ERN1: variants seen among roughly 807,000 people sequenced by gnomAD.
ERN1 encodes endoplasmic reticulum to nucleus signaling 1.
A neutral mutation model predicts 113.1 loss-of-function variants in ERN1; 39 were observed. That is an observed-to-expected ratio of 0.34 (90% confidence interval 0.27 to 0.45). ERN1 has a LOEUF of 0.45. ERN1 is among the 20% of genes least tolerant of loss of function. The probability of loss-of-function intolerance (pLI) is 1.00; values close to 1 mark genes in which losing one functional copy is unlikely to be tolerated. For missense variants in ERN1, 976 were observed against 1,274.8 expected (o/e 0.77, Z 3.57); for synonymous variants, 507 against 515.9 (o/e 0.98, Z 0.23).
At chr17:64,046,377 G>C (rs1912514672) in intron 19 of ERN1, among the ~76,000 whole-genome samples, 1 of 152,192 alleles carries the variant, frequency 6.6e-6, no homozygotes, top group African/African-American at 2.4e-5. Flanking sequence ...ATATGACCTG[G>C]AGATACTAAG....
chr17:64,091,124 A>G (rs1914076083), intron 2 of ERN1, among the ~76,000 whole-genome samples: 1 of 152,230 alleles, frequency 6.6e-6, no homozygotes, highest in African/African-American at 2.4e-5. Flanking sequence ...GGTTAGATCT[A>G]TTAACAAAAC....
chr17:64,053,122 C>T, intron 16 of ERN1, 143 bp from the exon 17 acceptor site: 1 of 925,484 alleles, frequency 1.1e-6, no homozygotes, highest in Non-Finnish European at 1.6e-6. Context: ...CGGATTCCTC[C>T]TCAAATTCTT....
chr17:64,118,324 T>C (rs576525166), intron 1 of ERN1, among the ~76,000 whole-genome samples: 1 of 152,334 alleles, frequency 6.6e-6, no homozygotes, highest in Non-Finnish European at 1.5e-5. Flanking sequence ...TTTCATCATA[T>C]GGGGCAAACA....
Position 64,060,522 on chromosome 17 carries a change from T to TG in ERN1, c.1152dup (p.Lys385GlnfsTer10). Reference sequence around the variant, plus strand: ...GCAGGAATCACATTTTCCCGATGTTTGGGTAGATTGTTGGGAAATCTCTCC... The same window carrying TG: ...GCAGGAATCACATTTTCCCGATGTTTGGGGTAGATTGTTGGGAAATCTCTCC... On this transcript the variant is annotated frameshift_variant, in exon 11 of 22. Transcript: ENST00000433197. LOFTEE classifies it high-confidence loss of function. 11 of 1,614,014 alleles carry TG rather than the reference T, an allele frequency of 6.8e-6. No individual in the cohort carries two copies. Among genetic ancestry groups the TG allele is most frequent in the Non-Finnish European group, 9.3e-6 (11 of 1,179,870 alleles).
chr17:64,052,813 T>C lies in ERN1; in HGVS notation c.2220A>G (p.Pro740=), dbSNP rs1215206814. The change falls in exon 17 of 22, where the codon CCA becomes CCG. Residue 740 remains proline, a synonymous_variant. Coordinates refer to ENST00000433197, the MANE Select transcript of ERN1 (RefSeq NM_001433.5). ...CCTTACAGTCTTCGCTCAGCATCTC[T>C]GGAGCGATCCAGCCTTCTGTGCCAG... ...GVPGTEGWIA[P]EMLSEDCKEN... 2 of 1,614,026 alleles carry C rather than the reference T, an allele frequency of 1.2e-6. No individual in the cohort carries two copies. The highest frequency in any genetic ancestry group is 1.7e-5 in the Admixed American group (1 of 60,026).
intron 5 of ERN1, among the ~76,000 whole-genome samples, chr17:64,072,938 C>A (rs143164276): frequency 3.3e-5 from 5 of 151,856 alleles, no homozygotes; most frequent in African/African-American, 1.2e-4. Flanking sequence ...TTGGAAAAGT[C>A]TCCTGTTTTG....
At chr17:64,097,368 A>G (rs1336098627) in intron 2 of ERN1, among the ~76,000 whole-genome samples, 2 of 152,236 alleles carry the variant, frequency 1.3e-5, no homozygotes, top group African/African-American at 4.8e-5. Flanking sequence ...TCGTGAAAGT[A>G]ATGAGTCACA....
chr17:64,082,359 G>C (rs920733557), intron 2 of ERN1, among the ~76,000 whole-genome samples: 3 of 152,092 alleles, frequency 2.0e-5, no homozygotes, highest in East Asian at 1.9e-4. Flanking sequence ...CAAGAGACAG[G>C]AAATAAAGGC....
chr17:64,059,830 C>A (rs906637361), intron 11 of ERN1, among the ~76,000 whole-genome samples: 2 of 147,924 alleles, frequency 1.4e-5, no homozygotes, highest in African/African-American at 5.0e-5. Flanking sequence ...AACTTCAGAT[C>A]TCATCACTTC....
Position 64,045,408 on chromosome 17 carries a change from G to A in ERN1, c.2604C>T (p.Ala868=), listed in dbSNP as rs201354208. Residue 868 remains alanine (A), a synonymous_variant, in exon 20 of 22, where the codon GCC becomes GCT. Coordinates refer to ENST00000433197, the MANE Select transcript of ERN1 (RefSeq NM_001433.5). ...IVKQLERGGR[A]VVKMDWRENI... is the part of the protein sequence containing the mutation. ...TCTCCCGCCAGTCCATCTTCACCAC[G>A]GCTCTCCCGCCTCTCTCTAACTGCT... 238 of 1,613,788 alleles carry A rather than the reference G, an allele frequency of 1.5e-4. No homozygotes were observed. In the African/African-American group the frequency reaches 2.0e-3, roughly 13 times the overall value.
rs931663180 is a variant in ERN1 at position 64,049,909 on chromosome 17, T to A, written c.2254-707A>T. 6.6e-5 allele frequency among the ~76,000 whole-genome samples: 10 copies of A among 152,164 alleles called. No homozygotes were observed. The highest frequency in any genetic ancestry group is 2.4e-4 in the African/African-American group (10 of 41,432). ...TGAGCACAGCTTGGGTCCCTGTTAG[T>A]AGGCCCTGCCTCTGAGATTCTCCAC... On this transcript the variant is annotated intron_variant, in intron 17 of 21. Transcript: ENST00000433197. This position sits in a 1 kb window ranked among gnomAD's most constrained non-coding sequence, Gnocchi z 4.7.
intron 2 of ERN1, among the ~76,000 whole-genome samples, chr17:64,092,659 A>G (rs1270555711): frequency 6.6e-6 from 1 of 152,190 alleles, no homozygotes; most frequent in Non-Finnish European, 1.5e-5. Context: ...ATTGGAAAGG[A>G]GACAGAAAAG....
In ERN1 at chr17:64,090,498, T is replaced by C. The variant is rs1303947447; in HGVS notation, c.175+7623A>G. 2.6e-5 allele frequency among the ~76,000 whole-genome samples: 4 copies of C among 152,312 alleles called. No homozygotes were observed. The South Asian group carries it at 6.2e-4, about 24-fold the overall frequency. ...TGTCCAAATGCCTCTCAGGATGTCATAACTTCACAGAATTCATTCCTGAGT... is the reference window on the plus strand; with the variant it reads ...TGTCCAAATGCCTCTCAGGATGTCACAACTTCACAGAATTCATTCCTGAGT... On this transcript the variant is annotated intron_variant, in intron 2 of 21. Coordinates refer to ENST00000433197, the MANE Select transcript of ERN1 (RefSeq NM_001433.5).
rs1912328210 is a variant in ERN1, at chr17:64,041,249, A to T, written c.*2739T>A. 1 of 152,262 alleles carries T rather than the reference A, an allele frequency of 6.6e-6. No homozygotes were observed. The highest frequency in any genetic ancestry group is 2.4e-5 in the African/African-American group (1 of 41,464). The allele number at this position is 152,262 out of a possible 1,614,324, so 9.4% of individuals were successfully genotyped here. ...TGCCCAAGAGAGGTTTAGTAAGACA[A>T]GATTTAAATAAGTCATAGTGTCCTT... is the stretch of plus-strand genomic sequence containing the variant. On this transcript the variant is annotated 3_prime_UTR_variant, in exon 22 of 22. Transcript: ENST00000433197.
intron 5 of ERN1, among the ~76,000 whole-genome samples, chr17:64,073,170 CTTTTT>C (rs1363317252): frequency 6.6e-6 from 1 of 151,400 alleles, no homozygotes; most frequent in Non-Finnish European, 1.5e-5. Context: ...ATGCCTGGCT[CTTTTT>C]TTATTTTTTT....
intron 2 of ERN1, among the ~76,000 whole-genome samples, chr17:64,097,620 A>G (rs941725281): frequency 4.6e-5 from 7 of 152,206 alleles, no homozygotes; most frequent in African/African-American, 1.7e-4. Flanking sequence ...GTTAAGTAAG[A>G]AAGAAGCTCA....
rs1912798610 is a variant in ERN1, at chr17:64,054,686, C to T, written c.1763+52G>A. ...GCCTGGCACCAGGCTCGCAACCTGACAGGCACTTAGACACCAGGCGGTGAG... is the reference window on the plus strand; with the variant it reads ...GCCTGGCACCAGGCTCGCAACCTGATAGGCACTTAGACACCAGGCGGTGAG... On this transcript the variant is annotated intron_variant, in intron 14 of 21. Transcript: ENST00000433197. This position sits in a 1 kb window ranked among gnomAD's most constrained non-coding sequence, Gnocchi z 4.9. 7.0e-7 allele frequency: 1 copy of T among 1,428,632 alleles called. No homozygotes were observed. Among genetic ancestry groups the T allele is most frequent in the African/African-American group, 1.4e-5 (1 of 70,706 alleles). 88.5% of individuals were successfully genotyped at this position (1,428,632 alleles called of 1,614,324 possible).
At chr17:64,120,011 C>T (rs1214881780) in intron 1 of ERN1, among the ~76,000 whole-genome samples, 1 of 152,096 alleles carries the variant, frequency 6.6e-6, no homozygotes, top group Non-Finnish European at 1.5e-5. Context: ...CTTGTCTTGG[C>T]CTCCCAAAGT....
intron 2 of ERN1, among the ~76,000 whole-genome samples, chr17:64,081,667 C>G (rs932883120): frequency 4.6e-5 from 7 of 152,194 alleles, no homozygotes; most frequent in Non-Finnish European, 8.8e-5. Flanking sequence ...GTTGGAAATG[C>G]AACTCCCCCC....
Sources: allele counts gnomAD v4.1 joint callset (sites outside exome capture counted in the v4.1 genomes callset), GRCh38; gene constraint gnomAD v4.1.1; non-coding constraint Gnocchi (gnomAD v3.1); transcripts MANE v1.5; gene names NCBI Gene and HGNC (gene_info 2026-07-23, HGNC 2026-07-21).